SLC17A5: variants seen among roughly 807,000 people sequenced by gnomAD.
SLC17A5 encodes the protein solute carrier family 17 member 5, also known as sialin.
SLC17A5 carries 47 observed loss-of-function variants against 59.4 expected under a neutral mutation model. The observed-to-expected ratio is 0.79, with a 90% confidence interval of 0.63 to 1.01. The LOEUF (loss-of-function observed/expected upper bound fraction) is 1.01, where lower values mean the gene tolerates loss of function less well. SLC17A5 is among the 50% of genes least tolerant of loss of function. SLC17A5 has a pLI of 0.00. For synonymous variants in SLC17A5, 202 were observed against 210.7 expected, an observed-to-expected ratio of 0.96 and a Z score of 0.36; for missense variants, 522 against 595.5, an observed-to-expected ratio of 0.88 and a Z score of 1.28.
At chr6:73,632,899 A>G (rs1226002271) in intron 6 of SLC17A5, among the ~76,000 whole-genome samples, 2 of 149,424 alleles carry the variant, frequency 1.3e-5, no homozygotes, top group Admixed American at 6.6e-5. Flanking sequence ...ATCTGTTTAT[A>G]ATGTGTTAAA....
At chr6:73,600,507 T>TA in intron 9 of SLC17A5, 66 bp from the exon 10 acceptor site, 20 of 1,101,732 alleles carry the variant, frequency 1.8e-5, no homozygotes, top group Non-Finnish European at 2.3e-5. Context: ...ATTCTTTCCT[T>TA]CTTTTTTTTT....
chr6:73,621,861 A>T lies in SLC17A5; in HGVS notation c.921T>A (p.Thr307=). The T allele has an allele frequency of 6.2e-7, 1 of 1,613,512 alleles. No homozygotes were observed. Among genetic ancestry groups the T allele is most frequent in the Non-Finnish European group, 8.5e-7 (1 of 1,179,438 alleles). ...AHFSYNWTFY[T]LLTLLPTYMK... ...TATAAGTAGGCAATAATGTCAATAA[A>T]GTATAAAAAGTCCAGTTGTAAGAAA... The change falls in exon 7 of 11, where the codon ACT becomes ACA. Residue 307 remains threonine, a synonymous_variant. Transcript: ENST00000355773.
chr6:73,615,329 A>G lies in SLC17A5; in HGVS notation c.1097T>C (p.Ile366Thr), dbSNP rs145701343. ...GCTTCACTTACCTATAAGGCTAAAA[A>G]TTCTGCGAACACATAAAGTTGAAAA... ...WNFSTLCVRRIFSLIGMIGPA... is the reference protein window; with the variant it reads ...WNFSTLCVRRTFSLIGMIGPA... The change falls in exon 8 of 11, where the codon ATT (isoleucine) becomes ACT (threonine). Residue 366 changes from isoleucine (I) to threonine (T), a missense_variant. Physicochemically the swap from Ile to Thr is moderately conservative, Grantham distance 89 (BLOSUM62 -1). Transcript: ENST00000355773. 6.2e-7 allele frequency: 1 copy of G among 1,614,000 alleles called. No homozygotes were observed. The highest frequency in any genetic ancestry group is 8.5e-7 in the Non-Finnish European group (1 of 1,180,024).
At chr6:73,653,663 T>C (rs1008455675) in intron 1 of SLC17A5, 130 bp downstream of exon 1, 9 of 1,040,998 alleles carry the variant, frequency 8.6e-6, no homozygotes, top group Non-Finnish European at 1.2e-5. Context: ...CCCCTCTTAA[T>C]GTCCCCTCGC....
chr6:73,624,625 C>T (rs887325698), intron 6 of SLC17A5, among the ~76,000 whole-genome samples: 5 of 152,014 alleles, frequency 3.3e-5, no homozygotes, highest in African/African-American at 4.8e-5. Context: ...CCAGTAATCC[C>T]AGCACTTTGG....
intron 6 of SLC17A5, among the ~76,000 whole-genome samples, chr6:73,631,051 G>GA (rs59780167): frequency 0.076 from 7,954 of 104,460 alleles, 369 homozygotes; most frequent in Admixed American, 0.2. Flanking sequence ...TGTCTCAAAA[G>GA]AAAAAAAAAA....
intron 9 of SLC17A5, 39 bp from the exon 10 acceptor site, chr6:73,600,480 C>A: frequency 9.7e-5 from 115 of 1,191,602 alleles, no homozygotes; most frequent in Middle Eastern, 1.9e-4. Flanking sequence ...TATTGTGATA[C>A]ACATTTAAAC....
intron 1 of SLC17A5, among the ~76,000 whole-genome samples, chr6:73,648,069 CA>C (rs537628727): frequency 3.1e-3 from 426 of 139,112 alleles, no homozygotes; most frequent in Middle Eastern, 0.018. Flanking sequence ...GACTTCGTCT[CA>C]AAAAAAAAAG....
At chr6:73,646,287 G>C (rs1159419722) in intron 1 of SLC17A5, among the ~76,000 whole-genome samples, 2 of 152,084 alleles carry the variant, frequency 1.3e-5, no homozygotes, top group African/African-American at 2.4e-5. Flanking sequence ...AACTGATTTA[G>C]ACTGAAACAT....
In SLC17A5 at chr6:73,593,530, C is replaced by T. The variant is rs1237467921; in HGVS notation, c.*1547G>A. ...ATTACACGTAGTGTTGAACACAAAACATAAACTAAGTTTTAAGCCACATAG... is the reference window on the plus strand; with the variant it reads ...ATTACACGTAGTGTTGAACACAAAATATAAACTAAGTTTTAAGCCACATAG... On this transcript the variant is annotated 3_prime_UTR_variant, in exon 11 of 11. Transcript: ENST00000355773. 1 of 152,186 alleles carries T rather than the reference C, an allele frequency of 6.6e-6. No homozygotes were observed. The highest frequency in any genetic ancestry group is 1.5e-5 in the Non-Finnish European group (1 of 68,026). The allele number at this position is 152,186 out of a possible 1,614,324, so 9.4% of individuals were successfully genotyped here.
chr6:73,636,468 G>A (rs778080858), intron 5 of SLC17A5, among the ~76,000 whole-genome samples, 153 bp downstream of exon 5: 7 of 152,128 alleles, frequency 4.6e-5, no homozygotes, highest in East Asian at 1.9e-4. Flanking sequence ...AATAGGTCAA[G>A]TAAATCATAC....
intron 1 of SLC17A5, among the ~76,000 whole-genome samples, chr6:73,645,081 G>C (rs930220954): frequency 1.3e-5 from 2 of 152,046 alleles, no homozygotes; most frequent in African/African-American, 2.4e-5. Flanking sequence ...AAAGATATAC[G>C]GCATGAGAAA....
rs537462825 is a variant in SLC17A5, at chr6:73,602,545, C to T, written c.1260-2104G>A. Among the ~76,000 whole-genome samples, 264 of 152,130 alleles carry T rather than the reference C, an allele frequency of 1.7e-3. 1 individual carries two copies. The highest frequency in any genetic ancestry group is 6.0e-3 in the African/African-American group (248 of 41,514). ...ATCCCAGCACTTTGGGAGGCCGAGG[C>T]GGGTGGATCACGAGGTCAGGAGATC... is the stretch of plus-strand genomic sequence containing the variant. On this transcript the variant is annotated intron_variant, in intron 9 of 10. Coordinates refer to ENST00000355773, the MANE Select transcript of SLC17A5 (RefSeq NM_012434.5).
At chr6:73,630,703 ACT>A (rs777634578) in intron 6 of SLC17A5, among the ~76,000 whole-genome samples, 2 of 151,880 alleles carry the variant, frequency 1.3e-5, no homozygotes, top group Admixed American at 6.6e-5. Context: ...AGAAGGTGTC[ACT>A]CTCTCTCTAG....
rs1447755298 is a variant in SLC17A5 at position 73,615,455 on chromosome 6, G to C, written c.979-8C>G. 6.2e-7 allele frequency: 1 copy of C among 1,613,332 alleles called. No homozygotes were observed. Among genetic ancestry groups the C allele is most frequent in the South Asian group, 1.1e-5 (1 of 91,028 alleles). On this transcript the variant is annotated splice_region_variant and splice_polypyrimidine_tract_variant and intron_variant, in intron 7 of 10. Transcript: ENST00000355773. ...TGAAGATAAAAACCCATTCTGGAAGGAATAAGAAGATACAGGATTAATTAC... is the reference window on the plus strand; with the variant it reads ...TGAAGATAAAAACCCATTCTGGAAGCAATAAGAAGATACAGGATTAATTAC...
At chr6:73,625,164 GT>G (rs961530735) in intron 6 of SLC17A5, among the ~76,000 whole-genome samples, 2 of 152,006 alleles carry the variant, frequency 1.3e-5, no homozygotes, top group African/African-American at 2.4e-5. Context: ...ATGCTCTTGT[GT>G]TTTTTAATTA....
In SLC17A5 at chr6:73,602,335, A is replaced by G. The variant is rs1581955948; in HGVS notation, c.1260-1894T>C. ...GCAGGGTCCTCTGCCTAGGAAAACC[A>G]GAGACCTTTGTTCACTTGTTTATCT... On this transcript the variant is annotated intron_variant, in intron 9 of 10. Coordinates refer to ENST00000355773, the MANE Select transcript of SLC17A5 (RefSeq NM_012434.5). Among the ~76,000 whole-genome samples the G allele has an allele frequency of 4.0e-5, 6 of 148,520 alleles. No individual in the cohort carries two copies. In the East Asian group the frequency reaches 9.7e-4, roughly 24 times the overall value.
intron 7 of SLC17A5, among the ~76,000 whole-genome samples, chr6:73,619,002 T>C (rs757476596): frequency 3.3e-5 from 5 of 152,132 alleles, no homozygotes; most frequent in Non-Finnish European, 7.3e-5. Context: ...GCTAGGTGCG[T>C]GAGCCACTGC....
At chr6:73,626,881 C>T (rs1418728695) in intron 6 of SLC17A5, among the ~76,000 whole-genome samples, 3 of 152,000 alleles carry the variant, frequency 2.0e-5, no homozygotes, top group Admixed American at 2.0e-4. Flanking sequence ...AAGTGATTCT[C>T]CCACCTCAGC....
Sources: allele counts gnomAD v4.1 joint callset (sites outside exome capture counted in the v4.1 genomes callset), GRCh38; gene constraint gnomAD v4.1.1; transcripts MANE v1.5; gene names NCBI Gene and HGNC (gene_info 2026-07-23, HGNC 2026-07-21).